LRRTM4: variants seen among roughly 807,000 people sequenced by gnomAD.
LRRTM4 encodes the protein leucine rich repeat transmembrane neuronal 4, also known as leucine-rich repeat transmembrane neuronal protein 4.
Under a neutral mutation model 47.6 loss-of-function variants are expected in LRRTM4, and 25 were observed. The ratio of observed to expected loss-of-function variants is 0.53; its 90% confidence interval spans 0.38 to 0.73. The LOEUF (loss-of-function observed/expected upper bound fraction) is 0.73. Among genes scored for constraint, LRRTM4 ranks in the 30% least tolerant of loss-of-function variants. The pLI, the probability that LRRTM4 is intolerant of heterozygous loss-of-function variation, is 0.00. For synonymous variants in LRRTM4, 311 were observed against 269.5 expected (o/e 1.15, Z -1.51); for missense variants, 638 against 713.4 (o/e 0.89, Z 1.20).
rs141582287 is a variant in LRRTM4 at position 77,389,732 on chromosome 2, C to T, written c.1551+128586G>A. On this transcript the variant is annotated intron_variant, in intron 3 of 3. Transcript: ENST00000409884. ...CAAATGAGCTAAGAGATGCCTCCCA[C>T]CCCATCACCCCACAAGCAGGAAAAG... Among the ~76,000 whole-genome samples, 35 of 152,116 alleles carry T rather than the reference C, an allele frequency of 2.3e-4. 1 individual carries two copies. The East Asian group carries it at 6.4e-3, about 28-fold the overall frequency.
chr2:76,881,405 T>C (rs898389328), intron 3 of LRRTM4, among the ~76,000 whole-genome samples: 4 of 152,060 alleles, frequency 2.6e-5, no homozygotes, highest in East Asian at 1.9e-4. Flanking sequence ...AATGATAATA[T>C]GTGTGAAATT....
intron 3 of LRRTM4, among the ~76,000 whole-genome samples, chr2:77,437,581 C>G (rs1179652216): frequency 1.3e-5 from 2 of 151,966 alleles, no homozygotes; most frequent in African/African-American, 4.8e-5. Context: ...ATTTAACTCA[C>G]TAGATAAGTG....
At chr2:77,417,849 C>T (rs1282576554) in intron 3 of LRRTM4, among the ~76,000 whole-genome samples, 1 of 152,048 alleles carries the variant, frequency 6.6e-6, no homozygotes, top group Non-Finnish European at 1.5e-5. Flanking sequence ...CAACATGGCA[C>T]ATGTATACAT....
At chr2:77,023,657 C>T (rs1344462666) in intron 3 of LRRTM4, among the ~76,000 whole-genome samples, 1 of 152,204 alleles carries the variant, frequency 6.6e-6, no homozygotes, top group Non-Finnish European at 1.5e-5. Context: ...TTTGATAAAA[C>T]ATAACAAGAG....
intron 3 of LRRTM4, among the ~76,000 whole-genome samples, chr2:77,270,942 G>A (rs1032161781): frequency 6.6e-6 from 1 of 152,100 alleles, no homozygotes; most frequent in African/African-American, 2.4e-5. Context: ...AAACCAATCA[G>A]CATGCAATCC....
intron 3 of LRRTM4, among the ~76,000 whole-genome samples, chr2:77,217,181 A>G (rs1674471927): frequency 6.6e-6 from 1 of 151,160 alleles, no homozygotes; most frequent in Admixed American, 6.6e-5. Context: ...AAAATTCTTC[A>G]GGTAACTTTG....
At chr2:76,955,345 A>G (rs1675636450) in intron 3 of LRRTM4, among the ~76,000 whole-genome samples, 1 of 151,816 alleles carries the variant, frequency 6.6e-6, no homozygotes, top group Non-Finnish European at 1.5e-5. Flanking sequence ...TTGGGAGAAA[A>G]AAAGTGTAGT....
chr2:76,798,080 C>A (rs907307034), intron 3 of LRRTM4, among the ~76,000 whole-genome samples: 2 of 151,150 alleles, frequency 1.3e-5, no homozygotes, highest in Non-Finnish European at 2.9e-5. Context: ...GAATTGAACT[C>A]AGCTCTGCAG....
intron 3 of LRRTM4, among the ~76,000 whole-genome samples, chr2:77,513,273 CAAAT>C (rs1216774953): frequency 6.6e-6 from 1 of 152,096 alleles, no homozygotes; most frequent in African/African-American, 2.4e-5. Flanking sequence ...TTCTCATTGA[CAAAT>C]GAATGTAAGT....
chr2:77,370,349 C>T (rs553665962), intron 3 of LRRTM4, among the ~76,000 whole-genome samples: 2 of 151,882 alleles, frequency 1.3e-5, no homozygotes, highest in Non-Finnish European at 1.5e-5. Flanking sequence ...AGAGAGCCCA[C>T]TAACTTACCA....
At chr2:77,242,328 A>C (rs773481335) in intron 3 of LRRTM4, among the ~76,000 whole-genome samples, 1 of 152,150 alleles carries the variant, frequency 6.6e-6, no homozygotes, top group South Asian at 2.1e-4. Flanking sequence ...TGAATTACAT[A>C]AAAATTAAAA....
At position 77,519,222 on chromosome 2, in the gene LRRTM4, T is replaced by C; in HGVS notation, c.647A>G (p.Gln216Arg). Residue 216 changes from glutamine (Q) to arginine (R), a missense_variant, in exon 3 of 4, where the codon CAG (glutamine) becomes CGG (arginine). Gln to Arg is a conservative substitution (Grantham distance 43). Transcript: ENST00000409884. This position sits in a 1 kb window ranked among gnomAD's most constrained non-coding sequence, Gnocchi z 4.6. Reference sequence around the variant, plus strand: ...ATGAGCAAAGTTGATCTTGGAAAACTGGTTGTGCTCCAGGTGGAGCTCCTT... The same window carrying C: ...ATGAGCAAAGTTGATCTTGGAAAACCGGTTGTGCTCCAGGTGGAGCTCCTT... ...KLKELHLEHN[Q>R]FSKINFAHFP... is the part of the protein sequence containing the mutation. The C allele has an allele frequency of 6.2e-7, 1 of 1,613,334 alleles. No individual in the cohort carries two copies. Among genetic ancestry groups the C allele is most frequent in the Non-Finnish European group, 8.5e-7 (1 of 1,179,588 alleles).
intron 3 of LRRTM4, among the ~76,000 whole-genome samples, chr2:77,362,115 G>GAGAGAGAA (rs1553434348): frequency 2.0e-5 from 2 of 98,778 alleles, no homozygotes; most frequent in Admixed American, 1.1e-4. Flanking sequence ...GAAAGAAAGA[G>GAGAGAGAA]AGAAAGAAAG....
At chr2:76,908,212 C>G (rs1313661069) in intron 3 of LRRTM4, among the ~76,000 whole-genome samples, 4 of 150,908 alleles carry the variant, frequency 2.7e-5, no homozygotes, top group African/African-American at 7.3e-5. Context: ...TAAATGTAAT[C>G]CAGCATATAA....
intron 3 of LRRTM4, among the ~76,000 whole-genome samples, chr2:77,231,734 G>C (rs544767914): frequency 6.6e-6 from 1 of 152,156 alleles, no homozygotes; most frequent in East Asian, 1.9e-4. Flanking sequence ...TGTATAAACA[G>C]AGACAACATT....
chr2:77,400,096 T>C (rs1673883887), intron 3 of LRRTM4, among the ~76,000 whole-genome samples: 1 of 151,916 alleles, frequency 6.6e-6, no homozygotes, highest in Admixed American at 6.6e-5. Flanking sequence ...ACCACTATTC[T>C]ACTCACTGCT....
rs533229925 is a variant in LRRTM4 at position 77,142,758 on chromosome 2, C to G, written c.1551+375560G>C. ...CTACAATACTAACATGTTTTCAAGA[C>G]AGTGTCAAATATATTCTCCAATCTG... On this transcript the variant is annotated intron_variant, in intron 3 of 3. Coordinates refer to ENST00000409884, the MANE Select transcript of LRRTM4 (RefSeq NM_001134745.3). 2.0e-4 allele frequency among the ~76,000 whole-genome samples: 30 copies of G among 152,248 alleles called. No individual in the cohort carries two copies. The South Asian group carries it at 5.8e-3, about 29-fold the overall frequency.
At chr2:77,327,080 G>T (rs552259024) in intron 3 of LRRTM4, among the ~76,000 whole-genome samples, 48 of 152,286 alleles carry the variant, frequency 3.2e-4, no homozygotes, top group African/African-American at 1.1e-3. Flanking sequence ...CAGTAAAGGA[G>T]CAGGGAAAAA....
intron 3 of LRRTM4, among the ~76,000 whole-genome samples, chr2:77,148,612 G>A (rs1277100547): frequency 2.0e-5 from 3 of 152,142 alleles, no homozygotes; most frequent in Non-Finnish European, 4.4e-5. Context: ...GAAAAAGTAT[G>A]CCAGAGAACA....
Sources: gnomAD v4.1 joint callset for allele counts (sites outside exome capture counted in the v4.1 genomes callset) on GRCh38, gnomAD v4.1.1 for gene constraint, Gnocchi (gnomAD v3.1) non-coding constraint, MANE v1.5 for transcripts, NCBI Gene and HGNC (gene_info 2026-07-23, HGNC 2026-07-21) for gene names.